Variants in KRT18 observed in about 807,000 individuals in gnomAD.
KRT18 encodes the protein keratin, type I cytoskeletal 18.
Under a neutral mutation model 39.9 loss-of-function variants are expected in KRT18, and 8 were observed. That is an observed-to-expected ratio of 0.20 (90% CI 0.12 to 0.36). The LOEUF is 0.36. Among genes scored for constraint, KRT18 ranks in the 10% least tolerant of loss-of-function variants. The pLI, the probability that KRT18 is intolerant of heterozygous loss-of-function variation, is 1.00. For synonymous variants in KRT18, 194 were observed against 227.8 expected, an observed-to-expected ratio of 0.85 and a Z score of 1.33; for missense variants, 396 against 565.7, an observed-to-expected ratio of 0.70 and a Z score of 3.04.
intron 1 of KRT18, 127 bp downstream of exon 1, chr12:52,949,717 G>A (rs1942442669): frequency 1.1e-6 from 1 of 873,600 alleles, no homozygotes; most frequent in Non-Finnish European, 1.9e-6. Context: ...GGGCATACCT[G>A]GATTTCCATC....
rs982821005 is a variant in KRT18, at chr12:52,949,601, G to C, written c.417+11G>C. 1 of 1,610,460 alleles carries C rather than the reference G, an allele frequency of 6.2e-7. No individual in the cohort carries two copies. Among genetic ancestry groups the C allele is most frequent in the African/African-American group, 1.3e-5 (1 of 74,660 alleles). ...GACCTGAGGGCTCAGGTAAGGGGTA[G>C]GAGGGACCTCAACTCCCAGCCTTGT... On this transcript the variant is annotated intron_variant, in intron 1 of 6. Coordinates refer to ENST00000388835, the MANE Select transcript of KRT18 (RefSeq NM_000224.3).
rs1942489463 is a variant in KRT18 at position 52,951,603 on chromosome 12, T to C, written c.780T>C (p.Ala260=). The C allele has an allele frequency of 1.1e-5, 17 of 1,613,764 alleles. No individual in the cohort carries two copies. In the Admixed American group the frequency reaches 2.5e-4, roughly 24 times the overall value. ...TCCGGGCCCAATATGACGAGCTGGCTCGGAAGAACCGAGAGGAGCTAGACA... is the reference window on the plus strand; with the variant it reads ...TCCGGGCCCAATATGACGAGCTGGCCCGGAAGAACCGAGAGGAGCTAGACA... The part of the protein sequence containing the change: ...ADIRAQYDEL[A]RKNREELDKY... Residue 260 remains alanine, a synonymous_variant, in exon 4 of 7, where the codon GCT becomes GCC. Coordinates refer to ENST00000388835, the MANE Select transcript of KRT18 (RefSeq NM_000224.3).
At chr12:52,952,611 G>C (rs761792587) in intron 6 of KRT18, 111 bp from the exon 7 acceptor site, 87 of 1,183,266 alleles carry the variant, frequency 7.4e-5, no homozygotes, top group Non-Finnish European at 7.8e-5. Context: ...AAGAGGCTGA[G>C]GGTGATTTGG....
rs1942496308 is a variant in KRT18 at position 52,951,835 on chromosome 12, C to G, written c.927C>G (p.Asp309Glu). 1 of 1,607,236 alleles carries G rather than the reference C, an allele frequency of 6.2e-7. No homozygotes were observed. Among genetic ancestry groups the G allele is most frequent in the Admixed American group, 1.7e-5 (1 of 59,998 alleles). The change falls in exon 5 of 7, where the codon GAC becomes GAG. Residue 309 changes from aspartate to glutamate, a missense_variant. Physicochemically the swap from Asp to Glu is conservative, Grantham distance 45. Coordinates refer to ENST00000388835, the MANE Select transcript of KRT18 (RefSeq NM_000224.3). ...LRRTVQSLEI[D>E]LDSMRNLKAS... is the part of the protein sequence containing the mutation. ...GTACAGTCCAGTCCTTGGAGATCGA[C>G]CTGGACTCCATGAGAAATCTGGTGA... is the stretch of plus-strand genomic sequence containing the variant.
chr12:52,950,073 T>A (rs1942452756), intron 1 of KRT18: 1 of 625,360 alleles, frequency 1.6e-6, no homozygotes, highest in African/African-American at 1.8e-5. Context: ...AGCGACTCAC[T>A]TCTGGGCAGG....
upstream of KRT18, chr12:52,949,066 C>G: frequency 9.4e-7 from 1 of 1,068,690 alleles, no homozygotes; most frequent in Non-Finnish European, 1.4e-6. Flanking sequence ...GGCTCCGGGG[C>G]GGGGGCGGGG....
chr12:52,952,095 C>A, intron 5 of KRT18, 24 bp from the exon 6 acceptor site: 1 of 1,522,606 alleles, frequency 6.6e-7, no homozygotes, highest in South Asian at 1.2e-5. Context: ...GCTCACCCTG[C>A]CCCTCCTCTC....
At chr12:52,950,666 C>A (rs1240407856) in intron 2 of KRT18, 84 bp from the exon 3 acceptor site, 3 of 1,452,052 alleles carry the variant, frequency 2.1e-6, no homozygotes, top group Non-Finnish European at 2.8e-6. Flanking sequence ...GCAATGGGCA[C>A]AGAACTTCTC....
At chr12:52,951,412 T>C in intron 3 of KRT18, 69 bp from the exon 4 acceptor site, 1 of 1,487,306 alleles carries the variant, frequency 6.7e-7, no homozygotes. Context: ...GAAGAGGCAA[T>C]CACAGAAGAA....
chr12:52,952,391 C>T (rs1364317729), intron 6 of KRT18, 49 bp downstream of exon 6: 1 of 1,304,972 alleles, frequency 7.7e-7, no homozygotes, highest in South Asian at 1.3e-5. Context: ...GAGATCACTT[C>T]TCCCCAAAGT....
rs1171935393 is a variant in KRT18 at position 52,950,781 on chromosome 12, G to A, written c.532G>A (p.Val178Met). The A allele has an allele frequency of 3.7e-6, 6 of 1,610,988 alleles. No homozygotes were observed. The highest frequency in any genetic ancestry group is 1.3e-5 in the African/African-American group (1 of 74,816). The part of the protein sequence containing the change: ...YETELAMRQS[V>M]ENDIHGLRKV... Reference sequence around the variant, plus strand: ...GACAGAGCTGGCCATGCGCCAGTCTGTGGAGAACGACATCCATGGGCTCCG... The same window carrying A: ...GACAGAGCTGGCCATGCGCCAGTCTATGGAGAACGACATCCATGGGCTCCG... The change falls in exon 3 of 7, where the codon GTG (valine) becomes ATG (methionine). Residue 178 changes from valine (V) to methionine (M), a missense_variant. Coordinates refer to ENST00000388835, the MANE Select transcript of KRT18 (RefSeq NM_000224.3).
chr12:52,952,374 G>C, intron 6 of KRT18, 32 bp downstream of exon 6: 1 of 1,405,200 alleles, frequency 7.1e-7, no homozygotes, highest in African/African-American at 1.4e-5. Flanking sequence ...ACACGTGCTG[G>C]GATCAGGAGA....
intron 3 of KRT18, 53 bp downstream of exon 3, chr12:52,950,959 G>A: frequency 6.6e-7 from 1 of 1,522,504 alleles, no homozygotes; most frequent in Non-Finnish European, 8.8e-7. Context: ...GAGAAGTCTG[G>A]GTCGGAGAAT....
chr12:52,952,723 C>G lies in KRT18; in HGVS notation c.1174C>G (p.Leu392Val). 6.2e-7 allele frequency: 1 copy of G among 1,612,652 alleles called. No homozygotes were observed. The highest frequency in any genetic ancestry group is 8.5e-7 in the Non-Finnish European group (1 of 1,179,988). ...RLLEDGEDFNLGDALDSSNSM... is the reference protein window; with the variant it reads ...RLLEDGEDFNVGDALDSSNSM... ...CTTGGGCTTGGTCTTCTGTTACAGT[C>G]TTGGTGATGCCTTGGACAGCAGCAA... The change falls in exon 7 of 7, where the codon CTT (leucine) becomes GTT (valine). Residue 392 changes from leucine to valine, a missense_variant and splice_region_variant. Physicochemically the swap from Leu to Val is conservative, Grantham distance 32. Coordinates refer to ENST00000388835, the MANE Select transcript of KRT18 (RefSeq NM_000224.3).
Position 52,949,151 on chromosome 12 carries a change from T to C in KRT18, c.-23T>C, listed in dbSNP as rs763632933. The C allele has an allele frequency of 3.1e-6, 5 of 1,608,910 alleles. No individual in the cohort carries two copies. The highest frequency in any genetic ancestry group is 2.2e-5 in the East Asian group (1 of 44,862). On this transcript the variant is annotated 5_prime_UTR_variant, in exon 1 of 7. Coordinates refer to ENST00000388835, the MANE Select transcript of KRT18 (RefSeq NM_000224.3). The stretch of plus-strand genomic sequence containing the variant: ...CGTCGTCCGCAAAGCCTGAGTCCTG[T>C]CCTTTCTCTCTCCCCGGACAGCATG...
Position 52,949,500 on chromosome 12 carries a change from G to T in KRT18, c.327G>T (p.Glu109Asp). Residue 109 changes from glutamate to aspartate, a missense_variant, in exon 1 of 7, where the codon GAG becomes GAT. Transcript: ENST00000388835. ...TGGAGACCGAGAACCGGAGGCTGGA[G>T]AGCAAAATCCGGGAGCACTTGGAGA... ...RSLETENRRLESKIREHLEKK... is the reference protein window; with the variant it reads ...RSLETENRRLDSKIREHLEKK... 6.2e-7 allele frequency: 1 copy of T among 1,613,604 alleles called. No homozygotes were observed. Among genetic ancestry groups the T allele is most frequent in the African/African-American group, 1.3e-5 (1 of 75,076 alleles).
At chr12:52,952,051 A>G (rs936477011) in intron 5 of KRT18, 68 bp from the exon 6 acceptor site, 2 of 1,423,042 alleles carry the variant, frequency 1.4e-6, no homozygotes, top group African/African-American at 2.8e-5. Context: ...AAAAGTTTCC[A>G]AAAGTGAAGG....
chr12:52,952,619 T>G, intron 6 of KRT18, 103 bp from the exon 7 acceptor site: 1 of 1,263,648 alleles, frequency 7.9e-7, no homozygotes, highest in Non-Finnish European at 1.1e-6. Flanking sequence ...GAGGGTGATT[T>G]GGAGATAAAG....
Position 52,950,418 on chromosome 12 carries a change from T to C in KRT18, c.500+8T>C. On this transcript the variant is annotated splice_region_variant and intron_variant, in intron 2 of 6. Coordinates refer to ENST00000388835, the MANE Select transcript of KRT18 (RefSeq NM_000224.3). ...TGATGACTTTAGAGTCAAGTAAGTT[T>C]GGGGGCTAGAGAGCTGGGGGTCCAG... 6.3e-7 allele frequency: 1 copy of C among 1,594,624 alleles called. No individual in the cohort carries two copies. The highest frequency in any genetic ancestry group is 8.6e-7 in the Non-Finnish European group (1 of 1,164,128).
Sources: gnomAD v4.1 joint callset for allele counts on GRCh38, gnomAD v4.1.1 for gene constraint, MANE v1.5 for transcripts, NCBI Gene and HGNC (gene_info 2026-07-23, HGNC 2026-07-21) for gene names.